CCDC73: variants seen among roughly 807,000 people sequenced by gnomAD.
CCDC73 encodes the protein coiled-coil domain-containing protein 73.
Under a neutral mutation model 116.5 loss-of-function variants are expected in CCDC73, and 95 were observed. The observed-to-expected ratio is 0.82, with a 90% CI of 0.69 to 0.97. The LOEUF is 0.97. CCDC73 is among the 50% of genes least tolerant of loss of function. The pLI is 0.00. For synonymous variants in CCDC73, 398 were observed against 401.3 expected (o/e 0.99, Z 0.10); for missense variants, 1,066 against 1,206.8 (o/e 0.88, Z 1.73).
intron 5 of CCDC73, among the ~76,000 whole-genome samples, 190 bp from the exon 6 acceptor site, chr11:32,699,515 T>A (rs1232107321): frequency 1.3e-5 from 2 of 151,974 alleles, no homozygotes; most frequent in Admixed American, 6.6e-5. Flanking sequence ...ATTAAGAAAA[T>A]GTGGCACATA....
At chr11:32,737,448 A>C (rs954257750) in intron 2 of CCDC73, among the ~76,000 whole-genome samples, 2 of 152,072 alleles carry the variant, frequency 1.3e-5, no homozygotes, top group Non-Finnish European at 2.9e-5. Context: ...CCCCATCTCT[A>C]CTAAAAATAC....
intron 1 of CCDC73, among the ~76,000 whole-genome samples, chr11:32,792,379 A>G (rs1850684122): frequency 1.3e-5 from 2 of 152,242 alleles, no homozygotes; most frequent in South Asian, 4.1e-4. Flanking sequence ...CATATGGTAA[A>G]GCTAAGCATT....
chr11:32,668,870 G>A (rs1051504245), intron 9 of CCDC73, among the ~76,000 whole-genome samples: 1 of 152,122 alleles, frequency 6.6e-6, no homozygotes, highest in African/African-American at 2.4e-5. Flanking sequence ...TATGGCTAGA[G>A]AAAAACCTTC....
the CCDC73 span, chr11:32,830,075 T>G: frequency 1.0e-6 from 1 of 988,376 alleles, no homozygotes; most frequent in East Asian, 1.1e-4. Flanking sequence ...GTCGCCGAGG[T>G]TTGAGGGCGC....
At chr11:32,830,544 G>C in the CCDC73 span, 3 of 1,589,404 alleles carry the variant, frequency 1.9e-6, no homozygotes, top group Middle Eastern at 5.1e-4. Flanking sequence ...TTACGCTTCT[G>C]GTTCTACTCA....
intron 3 of CCDC73, among the ~76,000 whole-genome samples, chr11:32,705,180 G>C (rs1013564229): frequency 6.6e-6 from 1 of 152,224 alleles, no homozygotes; most frequent in Non-Finnish European, 1.5e-5. Context: ...AAGCAGGGCA[G>C]CAGGACTGAA....
At chr11:32,725,596 T>TACTTATTATACATGTTAATATATAA (rs1850024027) in intron 2 of CCDC73, among the ~76,000 whole-genome samples, 1 of 152,198 alleles carries the variant, frequency 6.6e-6, no homozygotes, top group Non-Finnish European at 1.5e-5. Context: ...TTTATTCATT[T>TACTTATTATACATGTTAATATATAA]CAGCTAACTT....
intron 13 of CCDC73, among the ~76,000 whole-genome samples, chr11:32,640,158 T>G (rs980231926): frequency 6.6e-6 from 1 of 152,202 alleles, no homozygotes; most frequent in Non-Finnish European, 1.5e-5. Context: ...AAAACTCTTA[T>G]CGAACCAAGG....
At chr11:32,815,405 A>G in the CCDC73 span, among the ~76,000 whole-genome samples, 2 of 151,580 alleles carry the variant, frequency 1.3e-5, no homozygotes, top group East Asian at 3.9e-4. Flanking sequence ...CACAGTCATA[A>G]CTCATTGTAA....
intron 1 of CCDC73, among the ~76,000 whole-genome samples, chr11:32,765,235 G>A (rs1393357221): frequency 6.6e-6 from 1 of 152,160 alleles, no homozygotes; most frequent in Non-Finnish European, 1.5e-5. Context: ...GGATATCCAG[G>A]AATTGAACTC....
rs139433610 is a variant in CCDC73 at position 32,698,446 on chromosome 11, G to A, written c.390+805C>T. 1.1e-3 allele frequency among the ~76,000 whole-genome samples: 165 copies of A among 152,288 alleles called. 1 individual carries two copies. Among genetic ancestry groups the A allele is most frequent in the African/African-American group, 3.8e-3 (159 of 41,574 alleles). On this transcript the variant is annotated intron_variant, in intron 6 of 17. Transcript: ENST00000335185. The stretch of plus-strand genomic sequence containing the variant: ...TATTTTTGGCAAGAAAATTACATAG[G>A]TGAAGTTCGGTCCTCCTTATTGCAT...
At chr11:32,656,022 T>G (rs898117487) in intron 9 of CCDC73, among the ~76,000 whole-genome samples, 11 of 152,162 alleles carry the variant, frequency 7.2e-5, no homozygotes, top group African/African-American at 2.7e-4. Flanking sequence ...CCTTATAAAG[T>G]TAGTACCTGG....
At chr11:32,740,332 C>T in intron 2 of CCDC73, among the ~76,000 whole-genome samples, 1 of 151,798 alleles carries the variant, frequency 6.6e-6, no homozygotes, top group East Asian at 1.9e-4. Flanking sequence ...CAGGCTTTTT[C>T]TTTGCTGGGA....
chr11:32,634,377 AAT>A (rs1441919861), intron 14 of CCDC73, among the ~76,000 whole-genome samples: 2 of 152,210 alleles, frequency 1.3e-5, no homozygotes, highest in Non-Finnish European at 2.9e-5. Flanking sequence ...TGATGTAATT[AAT>A]ATGAAAAGAA....
chr11:32,678,279 A>C (rs1457050406), intron 7 of CCDC73, among the ~76,000 whole-genome samples: 3 of 152,170 alleles, frequency 2.0e-5, no homozygotes, highest in Non-Finnish European at 4.4e-5. Context: ...ACTCCGTCTC[A>C]AAATAAAAAA....
At chr11:32,738,023 A>T (rs543129570) in intron 2 of CCDC73, among the ~76,000 whole-genome samples, 1 of 152,340 alleles carries the variant, frequency 6.6e-6, no homozygotes, top group Admixed American at 6.5e-5. Context: ...AAGTAATAAG[A>T]TCTCATTCTT....
At chr11:32,746,246 T>C (rs1377655108) in intron 2 of CCDC73, among the ~76,000 whole-genome samples, 1 of 152,236 alleles carries the variant, frequency 6.6e-6, no homozygotes, top group Admixed American at 6.5e-5. Flanking sequence ...GAATGTTGAA[T>C]ATTTGCCCCC....
intron 12 of CCDC73, among the ~76,000 whole-genome samples, chr11:32,643,139 G>C (rs1272208216): frequency 1.3e-5 from 2 of 151,330 alleles, no homozygotes; most frequent in Non-Finnish European, 3.0e-5. Flanking sequence ...CATCTATTTA[G>C]AGAATTCTCA....
intron 14 of CCDC73, among the ~76,000 whole-genome samples, chr11:32,633,425 A>AATTACCC (rs1302563183): frequency 6.6e-6 from 1 of 152,174 alleles, no homozygotes; most frequent in Admixed American, 6.5e-5. Flanking sequence ...GAAAGATAAA[A>AATTACCC]ATTACCCCAA....
Sources: gnomAD v4.1 joint callset for allele counts (sites outside exome capture counted in the v4.1 genomes callset) on GRCh38, gnomAD v4.1.1 for gene constraint, MANE v1.5 for transcripts, NCBI Gene and HGNC (gene_info 2026-07-23, HGNC 2026-07-21) for gene names.